The following LRRTM4 variants were observed in gnomAD, a reference collection of about 807,000 sequenced individuals.
LRRTM4 encodes the protein leucine rich repeat transmembrane neuronal 4.
Under a neutral mutation model 47.6 loss-of-function variants are expected in LRRTM4, and 25 were observed. The observed-to-expected ratio is 0.53, with a 90% CI of 0.38 to 0.73. The LOEUF is 0.73. Ranked by LOEUF, LRRTM4 falls within the 30% of genes least tolerant of loss-of-function variation. LRRTM4 has a pLI of 0.00. For missense variants in LRRTM4, 638 were observed against 713.4 expected (o/e 0.89, Z 1.20); for synonymous variants, 311 against 269.5 (o/e 1.15, Z -1.51).
chr2:76,784,333 G>A (rs1467364518), intron 3 of LRRTM4, among the ~76,000 whole-genome samples: 1 of 151,970 alleles, frequency 6.6e-6, no homozygotes, highest in African/African-American at 2.4e-5. Context: ...AATATCATGA[G>A]AAAATGTTCA....
intron 3 of LRRTM4, among the ~76,000 whole-genome samples, chr2:77,085,204 TATTTC>T (rs1294907113): frequency 2.0e-5 from 3 of 151,630 alleles, no homozygotes; most frequent in Admixed American, 1.3e-4. Context: ...CATTTTATTT[TATTTC>T]ATTTTATATA....
intron 3 of LRRTM4, among the ~76,000 whole-genome samples, chr2:77,503,202 T>C (rs1678641585): frequency 6.6e-6 from 1 of 151,310 alleles, no homozygotes; most frequent in African/African-American, 2.4e-5. Flanking sequence ...GGAACAAGAG[T>C]TGAATTAAGG....
rs929492282 is a variant in LRRTM4 at position 77,445,017 on chromosome 2, A to T, written c.1551+73301T>A. ...ACTAAATTAGAAAGCATAAATTCTTAGGTGATTTTTGCAGGGAAATATTGT... is the reference window on the plus strand; with the variant it reads ...ACTAAATTAGAAAGCATAAATTCTTTGGTGATTTTTGCAGGGAAATATTGT... On this transcript the variant is annotated intron_variant, in intron 3 of 3. Coordinates refer to ENST00000409884, the MANE Select transcript of LRRTM4 (RefSeq NM_001134745.3). Among the ~76,000 whole-genome samples, 4 of 149,962 alleles carry T rather than the reference A, an allele frequency of 2.7e-5. No individual in the cohort carries two copies. In the East Asian group the frequency reaches 5.9e-4, roughly 22 times the overall value.
chr2:76,822,777 A>C lies in LRRTM4; in HGVS notation c.1552-73861T>G, dbSNP rs553054222. Among the ~76,000 whole-genome samples, 21 of 151,558 alleles carry C rather than the reference A, an allele frequency of 1.4e-4. 1 individual carries two copies. Among genetic ancestry groups the C allele is most frequent in the Admixed American group, 5.3e-4 (8 of 15,142 alleles). On this transcript the variant is annotated intron_variant, in intron 3 of 3. Coordinates refer to ENST00000409884, the MANE Select transcript of LRRTM4 (RefSeq NM_001134745.3). ...GAGGTTGTACCTCTAAGTCTGACTA[A>C]CTTCAGAGATTGAGTTTATTTATTA...
chr2:76,886,595 G>A (rs1372210895), intron 3 of LRRTM4, among the ~76,000 whole-genome samples: 1 of 151,944 alleles, frequency 6.6e-6, no homozygotes, highest in Non-Finnish European at 1.5e-5. Context: ...AAATCCAAGC[G>A]AAGAAATTGA....
chr2:76,972,214 A>G (rs1016402710), intron 3 of LRRTM4, among the ~76,000 whole-genome samples: 1 of 151,994 alleles, frequency 6.6e-6, no homozygotes, highest in African/African-American at 2.4e-5. Context: ...CCATCCAATT[A>G]GGTGAGAGAG....
intron 3 of LRRTM4, among the ~76,000 whole-genome samples, chr2:76,957,269 G>A (rs1675705462): frequency 6.6e-6 from 1 of 151,588 alleles, no homozygotes; most frequent in Non-Finnish European, 1.5e-5. Flanking sequence ...GGGCAAAATG[G>A]AAAGTCATTG....
Position 76,891,966 on chromosome 2 carries a change from A to G in LRRTM4, c.1552-143050T>C, listed in dbSNP as rs150936384. On this transcript the variant is annotated intron_variant, in intron 3 of 3. Transcript: ENST00000409884. ...GATGAAAAAATAATTTCTCTAATAT[A>G]TAACAAACTAAAATATGAGATTAGC... is the stretch of plus-strand genomic sequence containing the variant. Among the ~76,000 whole-genome samples the G allele has an allele frequency of 5.3e-5, 8 of 151,782 alleles. No homozygotes were observed. In the East Asian group the frequency reaches 1.4e-3, roughly 26 times the overall value.
intron 3 of LRRTM4, among the ~76,000 whole-genome samples, chr2:76,792,591 T>A (rs2103720844): frequency 1.3e-5 from 2 of 152,216 alleles, no homozygotes; most frequent in South Asian, 4.1e-4. Context: ...AATCAGAGAA[T>A]AAAGTGTGTG....
intron 3 of LRRTM4, among the ~76,000 whole-genome samples, chr2:77,248,181 G>T (rs78568198): frequency 0.13 from 19,779 of 150,932 alleles, 1,664 homozygotes; most frequent in East Asian, 0.34. Flanking sequence ...ATGCATTCAT[G>T]TTTATAATAA....
chr2:76,765,108 G>A (rs1245651481), intron 3 of LRRTM4, among the ~76,000 whole-genome samples: 1 of 152,188 alleles, frequency 6.6e-6, no homozygotes, highest in Non-Finnish European at 1.5e-5. Context: ...ATCTAAAGGA[G>A]TTTGCCTTGT....
At chr2:77,437,675 G>A (rs1159682791) in intron 3 of LRRTM4, among the ~76,000 whole-genome samples, 2 of 152,106 alleles carry the variant, frequency 1.3e-5, no homozygotes, top group African/African-American at 4.8e-5. Flanking sequence ...ATTGAATCAT[G>A]TTTGATAGAA....
chr2:76,876,873 C>A (rs77923143), intron 3 of LRRTM4, among the ~76,000 whole-genome samples: 1 of 151,926 alleles, frequency 6.6e-6, no homozygotes, highest in Non-Finnish European at 1.5e-5. Flanking sequence ...AATTGATAAG[C>A]CAGGCAATCA....
chr2:77,015,064 G>C (rs578041028), intron 3 of LRRTM4, among the ~76,000 whole-genome samples: 1 of 152,042 alleles, frequency 6.6e-6, no homozygotes, highest in Non-Finnish European at 1.5e-5. Flanking sequence ...GGATAATCAG[G>C]ATGAGTCTGA....
At chr2:77,306,468 T>G (rs1190446206) in intron 3 of LRRTM4, among the ~76,000 whole-genome samples, 2 of 152,178 alleles carry the variant, frequency 1.3e-5, no homozygotes, top group Non-Finnish European at 2.9e-5. Context: ...AAGTCACACC[T>G]GAGACTTTGG....
chr2:76,933,545 G>T (rs913414808), intron 3 of LRRTM4, among the ~76,000 whole-genome samples: 1 of 152,000 alleles, frequency 6.6e-6, no homozygotes, highest in Non-Finnish European at 1.5e-5. Context: ...GTTTACTAAA[G>T]TTATCCTCAG....
chr2:76,781,270 G>A (rs1674371800), intron 3 of LRRTM4, among the ~76,000 whole-genome samples: 1 of 152,252 alleles, frequency 6.6e-6, no homozygotes, highest in Admixed American at 6.5e-5. Flanking sequence ...TTGAGCTGTG[G>A]TGGGCTCCAC....
intron 3 of LRRTM4, among the ~76,000 whole-genome samples, chr2:76,988,051 T>G (rs1229115383): frequency 1.3e-5 from 2 of 151,910 alleles, no homozygotes; most frequent in African/African-American, 4.8e-5. Flanking sequence ...GAGTCACTCT[T>G]AGATACTTTC....
intron 3 of LRRTM4, among the ~76,000 whole-genome samples, chr2:76,890,022 A>G (rs1382879406): frequency 6.6e-6 from 1 of 151,956 alleles, no homozygotes; most frequent in Non-Finnish European, 1.5e-5. Flanking sequence ...TATAACTAGA[A>G]AAAAAGATTT....
Sources: allele counts gnomAD v4.1 joint callset (sites outside exome capture counted in the v4.1 genomes callset), GRCh38; gene constraint gnomAD v4.1.1; transcripts MANE v1.5; gene names NCBI Gene and HGNC (gene_info 2026-07-23, HGNC 2026-07-21).